The following SEM1 variants were observed in gnomAD, a reference collection of about 807,000 sequenced individuals.
SEM1 encodes the protein 26S proteasome complex subunit SEM1.
SEM1 carries 3 observed loss-of-function variants against 12.7 expected under a neutral mutation model. The ratio of observed to expected loss-of-function variants is 0.24; its 90% CI spans 0.11 to 0.61. The LOEUF is 0.61. Ranked by LOEUF, SEM1 falls within the 20% of genes least tolerant of loss-of-function variation. The pLI is 0.88. For missense variants in SEM1, 59 were observed against 81.3 expected, an observed-to-expected ratio of 0.73 and a Z score of 1.06; for synonymous variants, 30 against 27.8, an observed-to-expected ratio of 1.08 and a Z score of -0.25.
At chr7:96,541,944 CTTTTTTT>C (rs34050482) in intron 2 of SEM1, among the ~76,000 whole-genome samples, 2 of 92,436 alleles carry the variant, frequency 2.2e-5, no homozygotes, top group Non-Finnish European at 4.2e-5. Context: ...GCCTATGTGT[CTTTTTTT>C]TTTTTTTTTT....
chr7:96,484,818 C>T (rs1436027565), intron 3 of SEM1: 5 of 1,285,586 alleles, frequency 3.9e-6, no homozygotes, highest in Non-Finnish European at 5.1e-6. Flanking sequence ...TATCTTTGTT[C>T]CATTACCTTG....
intron 2 of SEM1, among the ~76,000 whole-genome samples, chr7:96,537,251 T>G (rs1804813993): frequency 6.6e-6 from 1 of 151,754 alleles, no homozygotes; most frequent in Non-Finnish European, 1.5e-5. Context: ...CTTATCTATA[T>G]GTTATAATCA....
At chr7:96,524,788 A>G (rs1308652661) in intron 2 of SEM1, among the ~76,000 whole-genome samples, 4 of 152,104 alleles carry the variant, frequency 2.6e-5, no homozygotes, top group Non-Finnish European at 5.9e-5. Context: ...CTCAATTCAG[A>G]TGCTAGATTT....
chr7:96,484,944 C>T, intron 2 of SEM1: 10 of 746,750 alleles, frequency 1.3e-5, no homozygotes, highest in Non-Finnish European at 2.0e-5. Flanking sequence ...CCATATCCTA[C>T]AGTCAGCTGT....
At chr7:96,519,098 T>C (rs1198545910) in intron 2 of SEM1, among the ~76,000 whole-genome samples, 1 of 152,100 alleles carries the variant, frequency 6.6e-6, no homozygotes, top group Non-Finnish European at 1.5e-5. Flanking sequence ...TTTATCAAGA[T>C]ATGAAAACTG....
At chr7:96,567,780 CAT>C (rs1257050757) in intron 2 of SEM1, among the ~76,000 whole-genome samples, 1 of 151,464 alleles carries the variant, frequency 6.6e-6, no homozygotes, top group Non-Finnish European at 1.5e-5. Context: ...ATAATAGAAA[CAT>C]AAATTATATT....
At chr7:96,572,814 T>C (rs1329640288) in intron 2 of SEM1, among the ~76,000 whole-genome samples, 1 of 152,156 alleles carries the variant, frequency 6.6e-6, no homozygotes, top group Non-Finnish European at 1.5e-5. Context: ...GGTCCAGAGT[T>C]GAGTTCAAGT....
At chr7:96,615,241 C>CTTT (rs60940244) in intron 2 of SEM1, among the ~76,000 whole-genome samples, 17 of 126,456 alleles carry the variant, frequency 1.3e-4, no homozygotes, top group African/African-American at 3.2e-4. Context: ...TTTGAGTCAT[C>CTTT]TTTTTTTTTT....
At chr7:96,683,796 C>T (rs528547460), downstream of SEM1, among the ~76,000 whole-genome samples, 38 of 152,204 alleles carry the variant, frequency 2.5e-4, no homozygotes, top group Admixed American at 2.0e-3. Context: ...AACCAAACAC[C>T]GCATGTTTTC....
chr7:96,554,878 GT>G lies in SEM1; in HGVS notation c.171-48181del, dbSNP rs1391526470. Reference sequence around the variant, plus strand: ...GATTATTGCCACAATTTCAGCTCCTGTTTATTGGTCTATTCAGAGATTCAAC... The same window carrying G: ...GATTATTGCCACAATTTCAGCTCCTGTTATTGGTCTATTCAGAGATTCAAC... On this transcript the variant is annotated intron_variant and NMD_transcript_variant, in intron 2 of 3. Transcript: ENST00000466986. Among the ~76,000 whole-genome samples the G allele has an allele frequency of 3.6e-3, 544 of 149,074 alleles. 8 individuals carry two copies. Among genetic ancestry groups the G allele is most frequent in the Admixed American group, 0.022 (322 of 14,840 alleles).
At chr7:96,526,675 GC>G (rs1804472997) in intron 2 of SEM1, among the ~76,000 whole-genome samples, 1 of 80,824 alleles carries the variant, frequency 1.2e-5, no homozygotes, top group Non-Finnish European at 2.8e-5. Context: ...TGGTTTGTGG[GC>G]TCTGGCTGGT....
chr7:96,549,980 T>C (rs1170953035), intron 2 of SEM1, among the ~76,000 whole-genome samples: 1 of 152,180 alleles, frequency 6.6e-6, no homozygotes, highest in Non-Finnish European at 1.5e-5. Context: ...GTTACTGTCA[T>C]GGTGGTCAGT....
At chr7:96,680,108 T>C (rs893993489) in intron 2 of SEM1, among the ~76,000 whole-genome samples, 34 of 152,016 alleles carry the variant, frequency 2.2e-4, no homozygotes, top group Non-Finnish European at 7.4e-5. Context: ...TCCCCTCCCC[T>C]AGGACAGGAT....
intron 2 of SEM1, among the ~76,000 whole-genome samples, chr7:96,531,973 A>G (rs1490902591): frequency 6.6e-6 from 1 of 152,010 alleles, no homozygotes; most frequent in Non-Finnish European, 1.5e-5. Context: ...GACTTCCTCA[A>G]TTCTTCTGGA....
intron 2 of SEM1, among the ~76,000 whole-genome samples, chr7:96,520,336 T>C (rs1366328475): frequency 3.3e-5 from 5 of 152,230 alleles, no homozygotes; most frequent in Middle Eastern, 6.8e-3. Flanking sequence ...ATCTGTAGAA[T>C]TGGGGAATAA....
downstream of SEM1, among the ~76,000 whole-genome samples, chr7:96,621,026 C>T (rs1250940659): frequency 1.3e-5 from 2 of 152,064 alleles, no homozygotes; most frequent in African/African-American, 2.4e-5. Context: ...CCAGATTTGA[C>T]CCATCTTACA....
chr7:96,675,095 AC>A (rs1226479779), intron 2 of SEM1, among the ~76,000 whole-genome samples: 1 of 150,340 alleles, frequency 6.7e-6, no homozygotes, highest in Non-Finnish European at 1.5e-5. Flanking sequence ...ACCCCACCCC[AC>A]CCCCCAAAAA....
At chr7:96,650,512 T>A in intron 2 of SEM1, 1 of 755,286 alleles carries the variant, frequency 1.3e-6, no homozygotes, top group Non-Finnish European at 2.4e-6. Flanking sequence ...CAGGGCTTTT[T>A]CTCACAGCTT....
At chr7:96,493,825 C>T (rs79659248) in intron 1 of SEM1, among the ~76,000 whole-genome samples, 26 of 152,284 alleles carry the variant, frequency 1.7e-4, no homozygotes, top group Non-Finnish European at 3.7e-4. Context: ...CCAATCTATG[C>T]CATTGCTTTC....
Sources: allele counts gnomAD v4.1 joint callset (sites outside exome capture counted in the v4.1 genomes callset), GRCh38; gene constraint gnomAD v4.1.1; transcripts MANE v1.5; gene names NCBI Gene and HGNC (gene_info 2026-07-23, HGNC 2026-07-21).